Variants in PARD3B observed in about 807,000 individuals in gnomAD.
PARD3B encodes the protein par-3 family cell polarity regulator beta, also known as partitioning defective 3 homolog B.
Under a neutral mutation model 130.2 loss-of-function variants are expected in PARD3B, and 103 were observed. The ratio of observed to expected loss-of-function variants is 0.79; its 90% CI spans 0.67 to 0.93. PARD3B has a LOEUF of 0.93. Among genes scored for constraint, PARD3B ranks in the 40% least tolerant of loss-of-function variants. The pLI is 0.00. For synonymous variants in PARD3B, 583 were observed against 553.2 expected, an observed-to-expected ratio of 1.05 and a Z score of -0.76; for missense variants, 1,609 against 1,499.2, an observed-to-expected ratio of 1.07 and a Z score of -1.21.
At chr2:205,156,481 T>A (rs1182687674) in intron 10 of PARD3B, among the ~76,000 whole-genome samples, 2 of 151,744 alleles carry the variant, frequency 1.3e-5, no homozygotes, top group Non-Finnish European at 2.9e-5. Flanking sequence ...AAAATGGATA[T>A]TGAATAATGT....
At chr2:204,583,492 G>T (rs1455188270) in intron 1 of PARD3B, among the ~76,000 whole-genome samples, 4 of 109,290 alleles carry the variant, frequency 3.7e-5, no homozygotes, top group Non-Finnish European at 7.5e-5. Flanking sequence ...GGGGGAGGGG[G>T]GAGGGGTAGC....
intron 18 of PARD3B, among the ~76,000 whole-genome samples, chr2:205,385,508 T>A (rs973721362): frequency 6.6e-6 from 1 of 152,178 alleles, no homozygotes; most frequent in Admixed American, 6.6e-5. Context: ...GGAAAAACAC[T>A]GATAATCCGT....
chr2:204,794,231 G>A (rs1184776532), intron 2 of PARD3B, among the ~76,000 whole-genome samples: 1 of 152,258 alleles, frequency 6.6e-6, no homozygotes, highest in East Asian at 1.9e-4. Context: ...GAGATTTAGA[G>A]AGACTTAAAT....
intron 2 of PARD3B, among the ~76,000 whole-genome samples, chr2:204,695,530 T>C (rs1477579086): frequency 6.6e-6 from 1 of 152,054 alleles, no homozygotes; most frequent in Admixed American, 6.6e-5. Flanking sequence ...AGTTTGAATG[T>C]AGGTTTTTCT....
intron 2 of PARD3B, among the ~76,000 whole-genome samples, chr2:204,696,412 C>T (rs2037614331): frequency 6.6e-6 from 1 of 152,012 alleles, no homozygotes; most frequent in African/African-American, 2.4e-5. Context: ...TGGGAGTAAC[C>T]ATATACCAGA....
chr2:205,085,392 C>T (rs922906153), intron 4 of PARD3B, among the ~76,000 whole-genome samples: 20 of 151,846 alleles, frequency 1.3e-4, no homozygotes, highest in Non-Finnish European at 2.2e-4. Context: ...TGAGAATCTC[C>T]GTGTTTCATT....
intron 4 of PARD3B, among the ~76,000 whole-genome samples, chr2:205,070,651 CA>C (rs1053609239): frequency 6.6e-6 from 1 of 152,006 alleles, no homozygotes; most frequent in Non-Finnish European, 1.5e-5. Flanking sequence ...TCAAAAGATA[CA>C]TAATAAGTTT....
At chr2:205,385,900 G>A (rs2045644641) in intron 18 of PARD3B, among the ~76,000 whole-genome samples, 2 of 152,074 alleles carry the variant, frequency 1.3e-5, no homozygotes, top group Admixed American at 1.3e-4. Context: ...TTATTTGGAA[G>A]CCACAGAGTA....
chr2:205,158,409 A>T lies in PARD3B; in HGVS notation c.1435-313A>T, dbSNP rs909769048. Among the ~76,000 whole-genome samples, 1 of 152,162 alleles carries T rather than the reference A, an allele frequency of 6.6e-6. No individual in the cohort carries two copies. Among genetic ancestry groups the T allele is most frequent in the Non-Finnish European group, 1.5e-5 (1 of 68,028 alleles). On this transcript the variant is annotated intron_variant, in intron 10 of 22. Coordinates refer to ENST00000406610, the MANE Select transcript of PARD3B (RefSeq NM_001302769.2). This position sits in a 1 kb window ranked among gnomAD's most constrained non-coding sequence, Gnocchi z 5.4. ...AGTCTAATGTCCAGCCTTTTTTATT[A>T]TGGAGAATATCTTAGTAAATTTCCA...
intron 3 of PARD3B, among the ~76,000 whole-genome samples, chr2:205,012,604 T>G (rs1369263511): frequency 6.6e-6 from 1 of 152,242 alleles, no homozygotes; most frequent in Non-Finnish European, 1.5e-5. Flanking sequence ...CTGAGGATTT[T>G]AGATTTCTCT....
At chr2:204,613,795 A>T (rs1030067000) in intron 1 of PARD3B, among the ~76,000 whole-genome samples, 1 of 152,074 alleles carries the variant, frequency 6.6e-6, no homozygotes, top group African/African-American at 2.4e-5. Flanking sequence ...CTGAGGGTAT[A>T]AAAGTCTTTT....
At chr2:204,621,236 G>C (rs948169738) in intron 1 of PARD3B, among the ~76,000 whole-genome samples, 3 of 152,138 alleles carry the variant, frequency 2.0e-5, no homozygotes, top group Non-Finnish European at 4.4e-5. Flanking sequence ...ACTGTCAAAA[G>C]GTTGGGGTTA....
intron 2 of PARD3B, among the ~76,000 whole-genome samples, chr2:204,837,662 T>C (rs1323543980): frequency 6.6e-6 from 1 of 152,090 alleles, no homozygotes; most frequent in Non-Finnish European, 1.5e-5. Context: ...CTCAGTAAGT[T>C]TGTAAAGAGA....
In PARD3B at chr2:205,271,367, T is replaced by C. The variant is rs559634372; in HGVS notation, c.2185+25545T>C. ...AGTGGATGATGGTGGGACACCCCCA[T>C]AATCCCCTTATTTGAAGGATTTTAT... On this transcript the variant is annotated intron_variant, in intron 16 of 22. Transcript: ENST00000406610. Among the ~76,000 whole-genome samples the C allele has an allele frequency of 3.3e-5, 5 of 152,320 alleles. No individual in the cohort carries two copies. The South Asian group carries it at 1.0e-3, about 32-fold the overall frequency.
intron 21 of PARD3B, among the ~76,000 whole-genome samples, chr2:205,547,331 A>G (rs2052421784): frequency 6.6e-6 from 1 of 152,174 alleles, no homozygotes; most frequent in South Asian, 2.1e-4. Context: ...ATAAACCACC[A>G]ATCACCATCT....
chr2:205,318,990 C>A (rs746213312), intron 18 of PARD3B, among the ~76,000 whole-genome samples: 14 of 152,174 alleles, frequency 9.2e-5, no homozygotes, highest in Non-Finnish European at 1.5e-4. Flanking sequence ...GTGTTCTCCT[C>A]AGTACCTCCG....
At chr2:205,185,706 C>T in intron 13 of PARD3B, 58 bp from the exon 14 acceptor site, 1 of 1,440,210 alleles carries the variant, frequency 6.9e-7, no homozygotes, top group South Asian at 1.1e-5. Flanking sequence ...GAAACCAAAC[C>T]AGGCATCGAA....
intron 4 of PARD3B, among the ~76,000 whole-genome samples, chr2:205,102,498 T>C (rs1702853535): frequency 6.6e-6 from 1 of 152,054 alleles, no homozygotes; most frequent in Non-Finnish European, 1.5e-5. Context: ...CCCTTCATAA[T>C]AATATGAATG....
chr2:205,247,337 T>C (rs1462329169), intron 16 of PARD3B, among the ~76,000 whole-genome samples: 5 of 152,216 alleles, frequency 3.3e-5, no homozygotes, highest in Non-Finnish European at 7.3e-5. Flanking sequence ...TAACATTTTA[T>C]GTAAATTTCA....
Sources: allele counts gnomAD v4.1 joint callset (sites outside exome capture counted in the v4.1 genomes callset), GRCh38; gene constraint gnomAD v4.1.1; non-coding constraint Gnocchi (gnomAD v3.1); transcripts MANE v1.5; gene names NCBI Gene and HGNC (gene_info 2026-07-23, HGNC 2026-07-21).